The following DLC1 variants were observed in gnomAD, a reference collection of about 807,000 sequenced individuals.
DLC1 encodes DLC1 Rho GTPase activating protein.
DLC1 carries 54 observed loss-of-function variants against 140.3 expected under a neutral mutation model. That is an observed-to-expected ratio of 0.38 (90% CI 0.31 to 0.48). The LOEUF (loss-of-function observed/expected upper bound fraction) is 0.48, where lower values mean the gene tolerates loss of function less well. Ranked by LOEUF, DLC1 falls within the 20% of genes least tolerant of loss-of-function variation. The probability of loss-of-function intolerance (pLI) is 0.96; values close to 1 mark genes in which losing one functional copy is unlikely to be tolerated. For missense variants in DLC1, 2,536 were observed against 1,907.0 expected (o/e 1.33, Z -6.14); for synonymous variants, 986 against 728.1 (o/e 1.35, Z -5.70).
At chr8:13,410,985 G>A (rs1837757290) in intron 2 of DLC1, among the ~76,000 whole-genome samples, 1 of 152,146 alleles carries the variant, frequency 6.6e-6, no homozygotes, top group African/African-American at 2.4e-5. Context: ...TTTAAAAAAT[G>A]AACCCACCTG....
intron 5 of DLC1, among the ~76,000 whole-genome samples, chr8:13,142,454 A>G (rs1233986869): frequency 6.6e-6 from 1 of 152,216 alleles, no homozygotes; most frequent in Non-Finnish European, 1.5e-5. Context: ...GAGGATTAGA[A>G]AAGTCTGCTA....
intron 4 of DLC1, among the ~76,000 whole-genome samples, chr8:13,320,164 T>A (rs1271917622): frequency 6.6e-6 from 1 of 152,182 alleles, no homozygotes; most frequent in African/African-American, 2.4e-5. Flanking sequence ...CTGGTTTGGG[T>A]TCTAAGTTAT....
intron 5 of DLC1, among the ~76,000 whole-genome samples, chr8:13,213,584 G>A (rs1585922784): frequency 6.6e-6 from 1 of 152,132 alleles, no homozygotes; most frequent in Non-Finnish European, 1.5e-5. Context: ...AAACTTGAGA[G>A]GCTTTCATTT....
At chr8:13,498,849 G>A in intron 2 of DLC1, 200 bp downstream of exon 2, 2 of 572,246 alleles carry the variant, frequency 3.5e-6, no homozygotes, top group Non-Finnish European at 5.8e-6. Flanking sequence ...CACATTATTA[G>A]TGAAACGGAT....
chr8:13,167,486 C>T (rs952615362), intron 5 of DLC1, among the ~76,000 whole-genome samples: 1 of 152,136 alleles, frequency 6.6e-6, no homozygotes, highest in Admixed American at 6.5e-5. Context: ...TGAATGGCTT[C>T]TCAGTGGGGA....
chr8:13,550,335 A>G (rs1338077480), intron 1 of DLC1, among the ~76,000 whole-genome samples: 16 of 152,096 alleles, frequency 1.1e-4, no homozygotes, highest in Admixed American at 1.0e-3. Flanking sequence ...GTCTTCTGTC[A>G]TAATTGTAAG....
intron 4 of DLC1, among the ~76,000 whole-genome samples, chr8:13,384,763 GT>G (rs921727529): frequency 8.6e-5 from 13 of 152,046 alleles, no homozygotes; most frequent in African/African-American, 2.9e-4. Flanking sequence ...TTTACATTTT[GT>G]TTTTGTTTCT....
intron 5 of DLC1, among the ~76,000 whole-genome samples, chr8:13,246,602 C>T (rs893727596): frequency 6.6e-6 from 1 of 151,666 alleles, no homozygotes. Flanking sequence ...CATATCAATG[C>T]AGTTTCTCAT....
intron 7 of DLC1, among the ~76,000 whole-genome samples, chr8:13,105,423 T>C (rs768322113): frequency 1.3e-5 from 2 of 151,916 alleles, no homozygotes; most frequent in Non-Finnish European, 2.9e-5. Context: ...GCACTTCCTA[T>C]ATATGACTTC....
In DLC1 at chr8:13,458,888, C is replaced by G. The variant is rs1403041024; in HGVS notation, c.1023+40161G>C. ...AAAAATCTTAAAAAGTTTACTTACT[C>G]TTGATTTGGAAATTAGTTATGCACA... On this transcript the variant is annotated intron_variant, in intron 2 of 17. Coordinates refer to ENST00000276297, the MANE Select transcript of DLC1 (RefSeq NM_182643.3). 2.0e-5 allele frequency among the ~76,000 whole-genome samples: 3 copies of G among 151,722 alleles called. No individual in the cohort carries two copies. In the East Asian group the frequency reaches 5.8e-4, roughly 29 times the overall value.
intron 4 of DLC1, among the ~76,000 whole-genome samples, chr8:13,323,523 G>T (rs1471452151): frequency 2.0e-5 from 3 of 152,160 alleles, no homozygotes; most frequent in Middle Eastern, 6.8e-3. Context: ...TAAGTATTTT[G>T]CTTGGGTTGA....
At chr8:13,420,545 C>T (rs1273421662) in intron 2 of DLC1, among the ~76,000 whole-genome samples, 1 of 152,024 alleles carries the variant, frequency 6.6e-6, no homozygotes. Flanking sequence ...TGTCCTAATG[C>T]TCTCCCTTCC....
At chr8:13,191,120 A>G (rs530085337) in intron 5 of DLC1, among the ~76,000 whole-genome samples, 125 of 152,338 alleles carry the variant, frequency 8.2e-4, no homozygotes, top group African/African-American at 2.9e-3. Context: ...AATGACTGGT[A>G]ATAGCAAAGA....
intron 5 of DLC1, among the ~76,000 whole-genome samples, chr8:13,143,757 A>G (rs551834218): frequency 6.6e-6 from 1 of 151,500 alleles, no homozygotes; most frequent in South Asian, 2.1e-4. Context: ...CTTTGGCTAC[A>G]ATGTAAGAAG....
intron 4 of DLC1, among the ~76,000 whole-genome samples, chr8:13,386,516 C>T (rs1210886999): frequency 6.6e-6 from 1 of 152,012 alleles, no homozygotes; most frequent in African/African-American, 2.4e-5. Flanking sequence ...TGGAATAACC[C>T]ATCACAGACA....
chr8:13,199,065 G>C (rs554126450), intron 5 of DLC1, among the ~76,000 whole-genome samples: 1 of 151,636 alleles, frequency 6.6e-6, no homozygotes. Flanking sequence ...GCATGTAATA[G>C]CAACTTACAG....
intron 2 of DLC1, among the ~76,000 whole-genome samples, chr8:13,485,793 A>T (rs1800944040): frequency 6.6e-6 from 1 of 152,214 alleles, no homozygotes; most frequent in African/African-American, 2.4e-5. Flanking sequence ...AATGTCAAAA[A>T]TAGATTTATT....
At chr8:13,572,495 C>T (rs888315165) in intron 1 of DLC1, among the ~76,000 whole-genome samples, 4 of 152,030 alleles carry the variant, frequency 2.6e-5, no homozygotes, top group Non-Finnish European at 2.9e-5. Context: ...TCATAAAGTT[C>T]AGTTTTTCTA....
intron 4 of DLC1, among the ~76,000 whole-genome samples, chr8:13,320,382 C>T (rs1385879824): frequency 2.0e-5 from 3 of 152,166 alleles, no homozygotes; most frequent in Non-Finnish European, 2.9e-5. Flanking sequence ...AACCTTTGTA[C>T]TGGGTACCAC....
Sources: allele counts gnomAD v4.1 joint callset (sites outside exome capture counted in the v4.1 genomes callset), GRCh38; gene constraint gnomAD v4.1.1; transcripts MANE v1.5; gene names NCBI Gene and HGNC (gene_info 2026-07-23, HGNC 2026-07-21).